LAMA2: variants seen among roughly 807,000 people sequenced by gnomAD.
The protein encoded by LAMA2 is laminin subunit alpha-2.
LAMA2 carries 269 observed loss-of-function variants against 364.8 expected under a neutral mutation model. The observed-to-expected ratio is 0.74, with a 90% confidence interval of 0.67 to 0.82. The LOEUF is 0.82. LAMA2 is among the 40% of genes least tolerant of loss of function. LAMA2 has a pLI of 0.00. For synonymous variants in LAMA2, 1,379 were observed against 1,370.6 expected, an observed-to-expected ratio of 1.01 and a Z score of -0.14; for missense variants, 3,807 against 3,873.2, an observed-to-expected ratio of 0.98 and a Z score of 0.45.
chr6:129,393,164 A>G lies in LAMA2; in HGVS notation c.5354A>G (p.Asp1785Gly). The change falls in exon 37 of 65, where the codon GAT (aspartate) becomes GGT (glycine). Residue 1785 changes from aspartate to glycine, a missense_variant. This residue lies in a region of LAMA2 where 3,333 missense variants were observed against 3,345.7 expected (regional missense o/e 1.00). Coordinates refer to ENST00000421865, the MANE Select transcript of LAMA2 (RefSeq NM_000426.4). ...GCTGACTACAAAAACAAAGTTGATG[A>G]TGCTTGGGACCTTTTGAGAGAAGCC... ...KLADYKNKVD[D>G]AWDLLREATD... 6.2e-7 allele frequency: 1 copy of G among 1,614,092 alleles called. No homozygotes were observed. Among genetic ancestry groups the G allele is most frequent in the Non-Finnish European group, 8.5e-7 (1 of 1,179,954 alleles).
In LAMA2 at chr6:128,921,710, T is replaced by TTA. The variant is rs1562832067; in HGVS notation, c.112+38354_112+38355insAT. 1.6e-3 allele frequency among the ~76,000 whole-genome samples: 243 copies of TTA among 148,196 alleles called. 2 individuals carry two copies. Among genetic ancestry groups the TTA allele is most frequent in the African/African-American group, 5.8e-3 (224 of 38,324 alleles). ...AAATGAATGTCTGTTTTTTTTTTTT[T>TTA]TTTATTATTATTATACTTTAAGTTT... On this transcript the variant is annotated intron_variant, in intron 1 of 64. Transcript: ENST00000421865.
At chr6:129,475,710 G>C (rs970628664) in intron 53 of LAMA2, among the ~76,000 whole-genome samples, 23 of 151,964 alleles carry the variant, frequency 1.5e-4, no homozygotes. Flanking sequence ...ACACTCAAAA[G>C]GCAGCTGGTC....
chr6:129,415,738 C>T (rs966579018), intron 40 of LAMA2, among the ~76,000 whole-genome samples: 11 of 151,962 alleles, frequency 7.2e-5, no homozygotes, highest in African/African-American at 2.7e-4. Flanking sequence ...CCAGGCTACT[C>T]AGGAGGCTGA....
chr6:129,176,274 G>A (rs1294600050), intron 9 of LAMA2, among the ~76,000 whole-genome samples: 1 of 151,798 alleles, frequency 6.6e-6, no homozygotes, highest in African/African-American at 2.4e-5. Flanking sequence ...TTGATATTCA[G>A]AACTAATTTA....
At chr6:129,514,320 A>G (rs1015460893) in intron 63 of LAMA2, 53 bp from the exon 64 acceptor site, 1 of 1,262,878 alleles carries the variant, frequency 7.9e-7, no homozygotes. Flanking sequence ...GTGAACCATC[A>G]TGATACTTCT....
intron 32 of LAMA2, 132 bp downstream of exon 32, chr6:129,353,489 CT>C (rs1776979462): frequency 8.4e-6 from 6 of 716,346 alleles, no homozygotes; most frequent in Middle Eastern, 3.9e-4. Context: ...TTCATTCTTT[CT>C]GACACTATCT....
At chr6:129,088,499 A>G (rs547744256) in intron 3 of LAMA2, among the ~76,000 whole-genome samples, 3,626 of 148,128 alleles carry the variant, frequency 0.024, 60 homozygotes, top group Non-Finnish European at 0.035. Context: ...CCTCCCTCCC[A>G]GACGGGGTGG....
chr6:129,220,839 G>C (rs529084482), intron 12 of LAMA2, among the ~76,000 whole-genome samples: 6 of 150,930 alleles, frequency 4.0e-5, no homozygotes, highest in Non-Finnish European at 8.8e-5. Context: ...TCTCTTTTCA[G>C]CTGTGAAAAC....
chr6:129,312,467 G>A (rs143354620), intron 22 of LAMA2, among the ~76,000 whole-genome samples: 10 of 152,214 alleles, frequency 6.6e-5, no homozygotes, highest in African/African-American at 1.4e-4. Context: ...CTACTAGACC[G>A]TAAGGTATGT....
intron 62 of LAMA2, among the ~76,000 whole-genome samples, chr6:129,511,990 A>G (rs1005838336): frequency 5.3e-5 from 8 of 152,186 alleles, no homozygotes; most frequent in African/African-American, 1.9e-4. Flanking sequence ...ATAATACCTG[A>G]CAGTGAGATT....
chr6:129,211,925 A>G (rs1457200718), intron 12 of LAMA2, among the ~76,000 whole-genome samples: 1 of 151,810 alleles, frequency 6.6e-6, no homozygotes, highest in Non-Finnish European at 1.5e-5. Flanking sequence ...TAGGAACTTA[A>G]TAATTCTTTG....
intron 35 of LAMA2, among the ~76,000 whole-genome samples, chr6:129,390,881 A>G (rs1019852420): frequency 1.3e-5 from 2 of 152,146 alleles, no homozygotes; most frequent in Admixed American, 6.5e-5. Context: ...TTAATGCATA[A>G]TAAACACAGA....
chr6:128,892,898 T>C (rs1305294477), intron 1 of LAMA2, among the ~76,000 whole-genome samples: 1 of 151,906 alleles, frequency 6.6e-6, no homozygotes, highest in Non-Finnish European at 1.5e-5. Flanking sequence ...AATCATATAG[T>C]ACTCTAACAA....
At position 129,284,199 on chromosome 6, in the gene LAMA2, G is replaced by C. The variant is rs184997000; in HGVS notation, c.2538-3648G>C. On this transcript the variant is annotated intron_variant, in intron 18 of 64. Transcript: ENST00000421865. ...AGTAAGAACACAGCATTACAGCCACGCCTCTTTATACAGCAGCCACCCTCT... is the reference window on the plus strand; with the variant it reads ...AGTAAGAACACAGCATTACAGCCACCCCTCTTTATACAGCAGCCACCCTCT... Among the ~76,000 whole-genome samples the C allele has an allele frequency of 1.8e-4, 28 of 151,456 alleles. No individual in the cohort carries two copies. In the South Asian group the frequency reaches 5.2e-3, roughly 28 times the overall value.
chr6:129,110,261 C>G (rs886525251), intron 4 of LAMA2, among the ~76,000 whole-genome samples: 1 of 151,882 alleles, frequency 6.6e-6, no homozygotes, highest in Non-Finnish European at 1.5e-5. Flanking sequence ...TATTTATTCT[C>G]TACATAAAGA....
In LAMA2 at chr6:129,171,515, C is replaced by T. The variant is rs1168656415; in HGVS notation, c.1306+5840C>T. Reference sequence around the variant, plus strand: ...TTGAATATTGGCCCCCACTCTCTTCCGGCTTGTAGAGTTTCTGCCGAGCGA... The same window carrying T: ...TTGAATATTGGCCCCCACTCTCTTCTGGCTTGTAGAGTTTCTGCCGAGCGA... On this transcript the variant is annotated intron_variant, in intron 9 of 64. Coordinates refer to ENST00000421865, the MANE Select transcript of LAMA2 (RefSeq NM_000426.4). Among the ~76,000 whole-genome samples the T allele has an allele frequency of 7.1e-4, 108 of 152,072 alleles. 1 individual carries two copies. The highest frequency in any genetic ancestry group is 2.9e-3 in the South Asian group (14 of 4,804).
intron 12 of LAMA2, among the ~76,000 whole-genome samples, chr6:129,229,190 A>G (rs552209517): frequency 1.2e-4 from 18 of 152,372 alleles, no homozygotes; most frequent in Non-Finnish European, 2.1e-4. Context: ...CATGTGTTAG[A>G]TAGTGATAAA....
intron 1 of LAMA2, among the ~76,000 whole-genome samples, chr6:128,949,906 G>T (rs775335741): frequency 2.0e-5 from 3 of 152,034 alleles, no homozygotes; most frequent in Non-Finnish European, 2.9e-5. Flanking sequence ...TTAACTAGAC[G>T]ATTTGAAACT....
intron 34 of LAMA2, among the ~76,000 whole-genome samples, chr6:129,380,466 G>A (rs1320594239): frequency 6.6e-6 from 1 of 152,128 alleles, no homozygotes; most frequent in Admixed American, 6.5e-5. Flanking sequence ...CCTTACAGTT[G>A]GAGAGGTTGT....
Sources: gnomAD v4.1 joint callset for allele counts (sites outside exome capture counted in the v4.1 genomes callset) on GRCh38, gnomAD v4.1.1 for gene constraint, gnomAD v4.1.1 regional missense constraint, MANE v1.5 for transcripts, NCBI Gene and HGNC (gene_info 2026-07-23, HGNC 2026-07-21) for gene names.